TET3: variants seen among roughly 807,000 people sequenced by gnomAD.
TET3 encodes the protein methylcytosine dioxygenase TET3.
TET3 carries 19 observed loss-of-function variants against 141.4 expected under a neutral mutation model. The ratio of observed to expected loss-of-function variants is 0.13; its 90% CI spans 0.09 to 0.20. The LOEUF is 0.20. Among genes scored for constraint, TET3 ranks in the 10% least tolerant of loss-of-function variants. TET3 has a pLI of 1.00. For synonymous variants in TET3, 1,043 were observed against 980.9 expected (o/e 1.06, Z -1.18); for missense variants, 1,874 against 2,356.9 (o/e 0.80, Z 4.24).
At chr2:74,119,986 G>A in the TET3 span, among the ~76,000 whole-genome samples, 1 of 152,134 alleles carries the variant, frequency 6.6e-6, no homozygotes, top group Admixed American at 6.5e-5. Flanking sequence ...ACATTCCTTG[G>A]GTGCTTCTGT....
rs927026654 is a variant in TET3 at position 74,106,376 on chromosome 2, C to G, written c.*4200C>G. ...AGGAAGGGGAGTTGGGTACTTCTGC[C>G]TCTCCTAGCATGATAGGCATTCTCA... On this transcript the variant is annotated 3_prime_UTR_variant, in exon 12 of 12. Coordinates refer to ENST00000409262, the MANE Select transcript of TET3 (RefSeq NM_001287491.2). The G allele has an allele frequency of 1.3e-5, 2 of 153,670 alleles. No individual in the cohort carries two copies. The highest frequency in any genetic ancestry group is 2.9e-5 in the Non-Finnish European group (2 of 68,094). 9.5% of individuals were successfully genotyped at this position (153,670 alleles called of 1,614,324 possible).
At chr2:74,004,105 G>A (rs1269110015) in intron 3 of TET3, among the ~76,000 whole-genome samples, 3 of 152,126 alleles carry the variant, frequency 2.0e-5, no homozygotes, top group African/African-American at 7.2e-5. Flanking sequence ...AAGTCCAAGA[G>A]CAGAGAGGCT....
At chr2:74,029,965 CAT>C (rs1457036551) in intron 3 of TET3, among the ~76,000 whole-genome samples, 2 of 152,180 alleles carry the variant, frequency 1.3e-5, no homozygotes, top group Non-Finnish European at 2.9e-5. Flanking sequence ...TTGCCCTGCA[CAT>C]GTTAGTGATA....
chr2:74,132,187 G>T, the TET3 span, among the ~76,000 whole-genome samples: 1 of 152,126 alleles, frequency 6.6e-6, no homozygotes, highest in African/African-American at 2.4e-5. Flanking sequence ...CTTCAAGCCA[G>T]AGTCCAGCTA....
intron 3 of TET3, among the ~76,000 whole-genome samples, chr2:74,020,525 G>A (rs933483532): frequency 6.6e-6 from 1 of 152,200 alleles, no homozygotes; most frequent in Non-Finnish European, 1.5e-5. Flanking sequence ...GGGAATGGCA[G>A]GCACTATTCC....
rs1348715204 is a variant in TET3, at chr2:74,103,025, C to T, written c.*849C>T. On this transcript the variant is annotated 3_prime_UTR_variant, in exon 12 of 12. Transcript: ENST00000409262. The stretch of plus-strand genomic sequence containing the variant: ...CCTCTGTCCGTTATTTATGGAGTCA[C>T]ACGATGTCATGGTTCACTAGGCAGC... 1 of 152,224 alleles carries T rather than the reference C, an allele frequency of 6.6e-6. No individual in the cohort carries two copies. Among genetic ancestry groups the T allele is most frequent in the Non-Finnish European group, 1.5e-5 (1 of 68,058 alleles). The allele number at this position is 152,224 out of a possible 1,614,324, so 9.4% of individuals were successfully genotyped here.
rs1691428231 is a variant in TET3, at chr2:74,105,184, C to A, written c.*3008C>A. 2 of 398,500 alleles carry A rather than the reference C, an allele frequency of 5.0e-6. No individual in the cohort carries two copies. The highest frequency in any genetic ancestry group is 8.8e-6 in the Non-Finnish European group (2 of 226,046). The allele number at this position is 398,500 out of a possible 1,614,324, so 24.7% of individuals were successfully genotyped here. On this transcript the variant is annotated 3_prime_UTR_variant, in exon 12 of 12. Transcript: ENST00000409262. ...AAATAAAGCCATTGCAACTAAAGAA[C>A]CTAACAGCATGACCAAGTTCGAAGA...
At chr2:74,052,469 G>T (rs1158415943) in intron 4 of TET3, among the ~76,000 whole-genome samples, 2 of 151,064 alleles carry the variant, frequency 1.3e-5, no homozygotes, top group African/African-American at 2.4e-5. Flanking sequence ...AGAAGTGGGG[G>T]TGAAATATGG....
intron 4 of TET3, among the ~76,000 whole-genome samples, chr2:74,059,427 A>AT (rs34300101): frequency 3.9e-5 from 6 of 152,100 alleles, no homozygotes; most frequent in African/African-American, 1.4e-4. Flanking sequence ...TAACTTTTGT[A>AT]TTTTTTTAGT....
intron 3 of TET3, among the ~76,000 whole-genome samples, chr2:74,039,067 A>G (rs1424090576): frequency 6.6e-6 from 1 of 152,024 alleles, no homozygotes; most frequent in Non-Finnish European, 1.5e-5. Flanking sequence ...CCAGCCTCGA[A>G]CCCTGCAGTC....
intron 4 of TET3, among the ~76,000 whole-genome samples, chr2:74,057,894 G>T (rs1486383892): frequency 6.6e-6 from 1 of 152,138 alleles, no homozygotes; most frequent in Non-Finnish European, 1.5e-5. Context: ...ATAATTCTTT[G>T]TACATTTTCA....
At chr2:74,004,286 T>C (rs1685034549) in intron 3 of TET3, among the ~76,000 whole-genome samples, 1 of 152,112 alleles carries the variant, frequency 6.6e-6, no homozygotes, top group Non-Finnish European at 1.5e-5. Flanking sequence ...GCTGCAAGTG[T>C]CCCCAGATAC....
At chr2:73,984,708 A>G (rs1683904523), upstream of TET3, among the ~76,000 whole-genome samples, 1 of 151,558 alleles carries the variant, frequency 6.6e-6, no homozygotes, top group South Asian at 2.1e-4. This position sits in a 1 kb window ranked among gnomAD's most constrained non-coding sequence, Gnocchi z 5.6. Flanking sequence ...CTGCAGGTGC[A>G]GAGAAGCGGC....
intron 2 of TET3, among the ~76,000 whole-genome samples, chr2:73,990,196 A>G (rs1219102412): frequency 1.4e-5 from 2 of 145,164 alleles, no homozygotes; most frequent in Non-Finnish European, 3.0e-5. Flanking sequence ...GCTGGGCAAC[A>G]TAGCAAGACC....
downstream of TET3, among the ~76,000 whole-genome samples, chr2:74,112,683 A>G (rs1691731330): frequency 6.6e-6 from 1 of 152,216 alleles, no homozygotes; most frequent in African/African-American, 2.4e-5. Flanking sequence ...GACAGTGACT[A>G]CAATCTACTT....
chr2:74,031,588 T>G (rs1256990695), intron 3 of TET3, among the ~76,000 whole-genome samples: 1 of 152,110 alleles, frequency 6.6e-6, no homozygotes, highest in Non-Finnish European at 1.5e-5. Flanking sequence ...ATAAAGAGGA[T>G]TAATTTGTGC....
chr2:74,070,847 C>T (rs981929456), intron 4 of TET3, among the ~76,000 whole-genome samples: 2 of 152,062 alleles, frequency 1.3e-5, no homozygotes, highest in African/African-American at 4.8e-5. Flanking sequence ...TGGTGGTGCA[C>T]ACCTGTAGTC....
chr2:74,019,199 G>A (rs1685897644), intron 3 of TET3, among the ~76,000 whole-genome samples: 1 of 152,226 alleles, frequency 6.6e-6, no homozygotes, highest in East Asian at 1.9e-4. Context: ...GGAGGCTGCG[G>A]TGAGCTATGA....
At chr2:74,071,698 A>G (rs747906762) in intron 4 of TET3, among the ~76,000 whole-genome samples, 3 of 152,172 alleles carry the variant, frequency 2.0e-5, no homozygotes, top group Non-Finnish European at 2.9e-5. Context: ...AGGTTACTCT[A>G]TTACATTTAA....
Sources: allele counts gnomAD v4.1 joint callset (sites outside exome capture counted in the v4.1 genomes callset), GRCh38; gene constraint gnomAD v4.1.1; non-coding constraint Gnocchi (gnomAD v3.1); transcripts MANE v1.5; gene names NCBI Gene and HGNC (gene_info 2026-07-23, HGNC 2026-07-21).